The following IGSF21 variants were observed in gnomAD, a reference collection of about 807,000 sequenced individuals.
The protein encoded by IGSF21 is immunoglobulin superfamily member 21.
Under a neutral mutation model 46.8 loss-of-function variants are expected in IGSF21, and 28 were observed. The ratio of observed to expected loss-of-function variants is 0.60; its 90% CI spans 0.44 to 0.82. IGSF21 has a LOEUF of 0.82. Ranked by LOEUF, IGSF21 falls within the 40% of genes least tolerant of loss-of-function variation. IGSF21 has a pLI of 0.00. For missense variants in IGSF21, 624 were observed against 665.5 expected (o/e 0.94, Z 0.69); for synonymous variants, 284 against 273.6 (o/e 1.04, Z -0.38).
intron 1 of IGSF21, among the ~76,000 whole-genome samples, chr1:18,214,523 T>C (rs1557590876): frequency 6.6e-6 from 1 of 152,174 alleles, no homozygotes; most frequent in Non-Finnish European, 1.5e-5. Flanking sequence ...ATACCTATTA[T>C]ATTAGTCTGT....
chr1:18,328,067 A>ATT (rs1397531870), intron 3 of IGSF21, among the ~76,000 whole-genome samples: 3 of 152,176 alleles, frequency 2.0e-5, no homozygotes, highest in African/African-American at 7.2e-5. Context: ...TCCCTCTAAG[A>ATT]AGTAGACGGA....
intron 3 of IGSF21, among the ~76,000 whole-genome samples, chr1:18,302,593 G>A (rs906126156): frequency 6.6e-6 from 1 of 151,818 alleles, no homozygotes; most frequent in Non-Finnish European, 1.5e-5. Flanking sequence ...CCCTTTTCCT[G>A]CCATCCTGTG....
chr1:18,226,811 T>C (rs61762149), intron 1 of IGSF21, among the ~76,000 whole-genome samples: 32,629 of 152,120 alleles, frequency 0.21, 4,091 homozygotes, highest in Non-Finnish European at 0.28. Flanking sequence ...CGGACTGGAT[T>C]GATCCATTAG....
intron 2 of IGSF21, among the ~76,000 whole-genome samples, chr1:18,258,674 G>A (rs547678476): frequency 1.2e-4 from 19 of 152,274 alleles, no homozygotes; most frequent in South Asian, 2.1e-4. Flanking sequence ...TGGTCCTTGC[G>A]TTTTCCAGCT....
intron 2 of IGSF21, among the ~76,000 whole-genome samples, chr1:18,248,473 C>T (rs907028570): frequency 2.6e-5 from 4 of 152,056 alleles, no homozygotes; most frequent in East Asian, 1.9e-4. Context: ...CAGGGAGGCT[C>T]GCTGTTGTGG....
chr1:18,124,668 C>T (rs2086260724), intron 1 of IGSF21, among the ~76,000 whole-genome samples: 1 of 152,186 alleles, frequency 6.6e-6, no homozygotes, highest in Admixed American at 6.5e-5. Flanking sequence ...CCTTCCCTGC[C>T]TCGGCAGTCA....
At chr1:18,149,319 G>A (rs1054039290) in intron 1 of IGSF21, among the ~76,000 whole-genome samples, 18 of 152,162 alleles carry the variant, frequency 1.2e-4, no homozygotes, top group Admixed American at 9.8e-4. Flanking sequence ...GACAGTCTCC[G>A]AGGCTTCGGG....
intron 3 of IGSF21, among the ~76,000 whole-genome samples, chr1:18,304,780 G>T (rs2085395830): frequency 6.6e-6 from 1 of 151,552 alleles, no homozygotes; most frequent in African/African-American, 2.4e-5. Flanking sequence ...TAAAAAATCA[G>T]TAACCAGGCT....
At chr1:18,311,719 C>A (rs1290749309) in intron 3 of IGSF21, among the ~76,000 whole-genome samples, 1 of 152,172 alleles carries the variant, frequency 6.6e-6, no homozygotes, top group African/African-American at 2.4e-5. Context: ...GCTAAAGGCA[C>A]ATCTTACATG....
intron 1 of IGSF21, among the ~76,000 whole-genome samples, chr1:18,207,215 A>G (rs543186534): frequency 8.7e-4 from 132 of 152,246 alleles, no homozygotes; most frequent in South Asian, 2.5e-3. Context: ...TTGGACTTTG[A>G]ATCTCTTTGG....
chr1:18,276,880 A>T (rs1330565440), intron 2 of IGSF21, among the ~76,000 whole-genome samples: 1 of 152,154 alleles, frequency 6.6e-6, no homozygotes, highest in Non-Finnish European at 1.5e-5. Flanking sequence ...GGTGCATGGG[A>T]CCAGTCAGAT....
intron 1 of IGSF21, 86 bp downstream of exon 1, chr1:18,108,284 C>G (rs1317228981): frequency 1.6e-6 from 2 of 1,238,682 alleles, no homozygotes; most frequent in African/African-American, 1.6e-5. Context: ...CGGGGTCGCT[C>G]CGAGAGGCTC....
intron 2 of IGSF21, among the ~76,000 whole-genome samples, chr1:18,269,191 C>A (rs765629123): frequency 6.6e-6 from 1 of 152,150 alleles, no homozygotes; most frequent in Non-Finnish European, 1.5e-5. Flanking sequence ...CTGATGGGAT[C>A]CCATAGCATC....
At chr1:18,159,182 C>T (rs563491689) in intron 1 of IGSF21, among the ~76,000 whole-genome samples, 5 of 152,328 alleles carry the variant, frequency 3.3e-5, no homozygotes, top group South Asian at 2.1e-4. Context: ...AGCACAGCTC[C>T]GGAACCTGAG....
chr1:18,203,599 G>A (rs749375744), intron 1 of IGSF21, among the ~76,000 whole-genome samples: 25 of 152,180 alleles, frequency 1.6e-4, no homozygotes, highest in East Asian at 1.9e-4. Context: ...GTGAGCCACC[G>A]TGACCAGCCC....
chr1:18,171,102 C>T (rs1366223458), intron 1 of IGSF21, among the ~76,000 whole-genome samples: 4 of 151,984 alleles, frequency 2.6e-5, no homozygotes, highest in Non-Finnish European at 5.9e-5. Flanking sequence ...CTGTCTGGAG[C>T]AAGTGTCTCG....
chr1:18,218,876 G>A (rs918437830), intron 1 of IGSF21, among the ~76,000 whole-genome samples: 9 of 152,088 alleles, frequency 5.9e-5, no homozygotes, highest in Admixed American at 1.3e-4. Flanking sequence ...GCTCAGCAAA[G>A]ACATAGAAGA....
chr1:18,328,948 G>A (rs2085684941), intron 3 of IGSF21, among the ~76,000 whole-genome samples: 3 of 152,164 alleles, frequency 2.0e-5, no homozygotes, highest in Admixed American at 6.5e-5. Flanking sequence ...CAGAATTAAG[G>A]GGCCCGCCAG....
intron 4 of IGSF21, among the ~76,000 whole-genome samples, chr1:18,353,174 A>G (rs1461643751): frequency 6.6e-6 from 1 of 150,422 alleles, no homozygotes; most frequent in African/African-American, 2.5e-5. Context: ...TGCTGTTACT[A>G]CTCAGTTCAA....
Sources: allele counts gnomAD v4.1 joint callset (sites outside exome capture counted in the v4.1 genomes callset), GRCh38; gene constraint gnomAD v4.1.1; transcripts MANE v1.5; gene names NCBI Gene and HGNC (gene_info 2026-07-23, HGNC 2026-07-21).